The following CXCL13 variants were observed in gnomAD, a reference collection of about 807,000 sequenced individuals.
CXCL13 encodes C-X-C motif chemokine ligand 13, also known as C-X-C motif chemokine 13.
In CXCL13, 7 loss-of-function variants were observed where a neutral mutation model predicts 12.2. That is an observed-to-expected ratio of 0.57 (90% CI 0.33 to 1.07). The LOEUF is 1.07. Among genes scored for constraint, CXCL13 ranks in the 50% least tolerant of loss-of-function variants. The probability of loss-of-function intolerance (pLI) is 0.04; values close to 1 mark genes in which losing one functional copy is unlikely to be tolerated. For synonymous variants in CXCL13, 47 were observed against 42.4 expected, an observed-to-expected ratio of 1.11 and a Z score of -0.42; for missense variants, 113 against 127.4, an observed-to-expected ratio of 0.89 and a Z score of 0.55.
intron 1 of CXCL13, among the ~76,000 whole-genome samples, chr4:77,537,478 G>T (rs369811923): frequency 6.6e-6 from 1 of 152,176 alleles, no homozygotes; most frequent in Non-Finnish European, 1.5e-5. Flanking sequence ...CTCCATACAG[G>T]GTACAGAGCA....
chr4:77,580,960 C>CAA (rs148837700), intron 1 of CXCL13, among the ~76,000 whole-genome samples: 47 of 149,058 alleles, frequency 3.2e-4, no homozygotes, highest in African/African-American at 1.2e-3. Context: ...AAAACAAAAA[C>CAA]AAAAAAAAAC....
At chr4:77,559,320 A>C (rs1257595959) in intron 1 of CXCL13, among the ~76,000 whole-genome samples, 1 of 152,204 alleles carries the variant, frequency 6.6e-6, no homozygotes, top group East Asian at 1.9e-4. Context: ...ATGCAGACTA[A>C]ATAAAGCTTC....
At chr4:77,576,495 C>T (rs1317278086) in intron 1 of CXCL13, among the ~76,000 whole-genome samples, 1 of 152,162 alleles carries the variant, frequency 6.6e-6, no homozygotes, top group Non-Finnish European at 1.5e-5. Context: ...TCTTGCAAAG[C>T]TGATAAAAGC....
chr4:77,569,412 G>A (rs1162761425), intron 1 of CXCL13, among the ~76,000 whole-genome samples: 2 of 152,014 alleles, frequency 1.3e-5, no homozygotes, highest in South Asian at 2.1e-4. Context: ...ACAACTTCAG[G>A]AAAGACACAG....
intron 1 of CXCL13, among the ~76,000 whole-genome samples, chr4:77,525,141 G>T (rs1352055916): frequency 6.6e-6 from 1 of 152,150 alleles, no homozygotes; most frequent in Non-Finnish European, 1.5e-5. Context: ...GCAGCACAAA[G>T]GCTTTTCTCT....
At chr4:77,561,947 G>T (rs1480934736) in intron 1 of CXCL13, among the ~76,000 whole-genome samples, 1 of 152,204 alleles carries the variant, frequency 6.6e-6, no homozygotes, top group East Asian at 1.9e-4. Context: ...CACAAGTTCT[G>T]GGTGGGTGTG....
At chr4:77,552,626 A>C (rs1207010536) in intron 1 of CXCL13, among the ~76,000 whole-genome samples, 1 of 152,246 alleles carries the variant, frequency 6.6e-6, no homozygotes, top group African/African-American at 2.4e-5. Flanking sequence ...CTGGACCTAC[A>C]GGTCCCCTGA....
At chr4:77,599,508 T>C (rs1211465994) in intron 1 of CXCL13, among the ~76,000 whole-genome samples, 3 of 152,200 alleles carry the variant, frequency 2.0e-5, no homozygotes, top group Non-Finnish European at 4.4e-5. Flanking sequence ...TGAAACCCTA[T>C]GGATAAGGAA....
chr4:77,603,582 T>G (rs1193901747), upstream of CXCL13, among the ~76,000 whole-genome samples: 1 of 152,184 alleles, frequency 6.6e-6, no homozygotes, highest in Non-Finnish European at 1.5e-5. Context: ...TAAACCAAGA[T>G]GGTGAGAGAG....
intron 1 of CXCL13, among the ~76,000 whole-genome samples, chr4:77,515,178 G>A (rs982162930): frequency 2.0e-5 from 3 of 152,164 alleles, no homozygotes; most frequent in Non-Finnish European, 4.4e-5. Context: ...CTCTGTTTTA[G>A]TACCAGTGCC....
upstream of CXCL13, chr4:77,605,751 C>A: frequency 3.9e-6 from 2 of 510,928 alleles, no homozygotes; most frequent in Non-Finnish European, 3.5e-6. Flanking sequence ...AGCTGACCTA[C>A]TGGAGACAAA....
In CXCL13 at chr4:77,596,952, A is replaced by G. The variant is rs574873070; in HGVS notation, c.-42-8872A>G. 2.3e-4 allele frequency among the ~76,000 whole-genome samples: 35 copies of G among 152,340 alleles called. No homozygotes were observed. In the South Asian group the frequency reaches 2.9e-3, roughly 13 times the overall value. On this transcript the variant is annotated intron_variant, in intron 1 of 4. Transcript: ENST00000286758. ...GAACGGGTAAAGAAAAATGTGATCT[A>G]TACATGCGGTGGAGTATTATTCAGC...
intron 1 of CXCL13, among the ~76,000 whole-genome samples, chr4:77,569,444 A>T (rs1726012218): frequency 6.6e-6 from 1 of 152,318 alleles, no homozygotes; most frequent in Admixed American, 6.5e-5. Flanking sequence ...AATGTGCAAA[A>T]ATCACTAGCA....
chr4:77,589,814 G>A (rs1726565715), intron 1 of CXCL13, among the ~76,000 whole-genome samples: 2 of 152,216 alleles, frequency 1.3e-5, no homozygotes, highest in African/African-American at 4.8e-5. Context: ...AAGCTGTCTA[G>A]TGCTTCTTTC....
intron 1 of CXCL13, among the ~76,000 whole-genome samples, chr4:77,581,996 C>T (rs567806799): frequency 6.6e-6 from 1 of 152,296 alleles, no homozygotes; most frequent in East Asian, 1.9e-4. Context: ...AATCCAGTGC[C>T]CTTTTCCTCA....
chr4:77,589,326 C>T (rs963021646), intron 1 of CXCL13, among the ~76,000 whole-genome samples: 1 of 152,212 alleles, frequency 6.6e-6, no homozygotes, highest in Non-Finnish European at 1.5e-5. Flanking sequence ...TCCACACCAT[C>T]TATGTATCCA....
intron 1 of CXCL13, among the ~76,000 whole-genome samples, chr4:77,593,145 C>T (rs753284685): frequency 2.0e-5 from 3 of 152,114 alleles, no homozygotes; most frequent in Non-Finnish European, 4.4e-5. Context: ...CCCACACCAA[C>T]AAGGTAAGAA....
At chr4:77,546,171 T>A (rs942982676) in intron 1 of CXCL13, among the ~76,000 whole-genome samples, 2 of 152,230 alleles carry the variant, frequency 1.3e-5, no homozygotes, top group African/African-American at 2.4e-5. Flanking sequence ...TGAGGATTTT[T>A]GCATCAATGT....
chr4:77,537,459 G>T (rs1223347589), intron 1 of CXCL13, among the ~76,000 whole-genome samples: 1 of 152,208 alleles, frequency 6.6e-6, no homozygotes, highest in Non-Finnish European at 1.5e-5. Context: ...AACAAAAGTG[G>T]TTATTGAACT....
Sources: gnomAD v4.1 joint callset for allele counts (sites outside exome capture counted in the v4.1 genomes callset) on GRCh38, gnomAD v4.1.1 for gene constraint, MANE v1.5 for transcripts, NCBI Gene and HGNC (gene_info 2026-07-23, HGNC 2026-07-21) for gene names.